Variants in SVOP observed in about 807,000 individuals in gnomAD.
SVOP encodes synaptic vesicle 2-related protein.
Under a neutral mutation model 69.1 loss-of-function variants are expected in SVOP, and 17 were observed. The ratio of observed to expected loss-of-function variants is 0.25; its 90% CI spans 0.17 to 0.37. The LOEUF (loss-of-function observed/expected upper bound fraction) is 0.37. Ranked by LOEUF, SVOP falls within the 10% of genes least tolerant of loss-of-function variation. The pLI is 1.00. For missense variants in SVOP, 435 were observed against 597.5 expected (o/e 0.73, Z 2.84); for synonymous variants, 238 against 238.6 (o/e 1.00, Z 0.02).
chr12:108,940,488 TCTCAAC>T (rs1231383634), intron 8 of SVOP, among the ~76,000 whole-genome samples: 1 of 152,126 alleles, frequency 6.6e-6, no homozygotes, highest in Non-Finnish European at 1.5e-5. Flanking sequence ...AACTTAAGAG[TCTCAAC>T]TAGTGCAATA....
rs2040101713 is a variant in SVOP, at chr12:108,975,544, AG to A, written c.381+1853del. 2.6e-5 allele frequency among the ~76,000 whole-genome samples: 4 copies of A among 152,370 alleles called. No individual in the cohort carries two copies. The South Asian group carries it at 8.3e-4, about 32-fold the overall frequency. On this transcript the variant is annotated intron_variant, in intron 4 of 15. Coordinates refer to ENST00000610966, the MANE Select transcript of SVOP (RefSeq NM_018711.5). ...TATCTGTAGAAGTGACAGTAATAAA[AG>A]CACCTCTTTCATAGGTTTGAGAAGG...
At chr12:108,923,632 A>G (rs371034806) in intron 11 of SVOP, among the ~76,000 whole-genome samples, 11 of 152,134 alleles carry the variant, frequency 7.2e-5, no homozygotes, top group African/African-American at 2.6e-4. Flanking sequence ...GTGCTGTCTC[A>G]GGCCACTAAG....
At chr12:108,928,142 G>T (rs917310668) in intron 11 of SVOP, among the ~76,000 whole-genome samples, 1 of 151,910 alleles carries the variant, frequency 6.6e-6, no homozygotes, top group African/African-American at 2.4e-5. Flanking sequence ...GACCTCAAGT[G>T]GTCCACCTGC....
rs562096734 is a variant in SVOP at position 109,018,203 on chromosome 12, T to C, written c.35+2631A>G. On this transcript the variant is annotated intron_variant, in intron 1 of 15. Transcript: ENST00000610966. ...TAGAAAGAACAGACCTAGAAAAGTC[T>C]GATTTGCACAAGGTCACACAAAAAG... 7.9e-5 allele frequency among the ~76,000 whole-genome samples: 12 copies of C among 152,326 alleles called. No individual in the cohort carries two copies. The South Asian group carries it at 2.1e-3, about 26-fold the overall frequency.
rs766893561 is a variant in SVOP at position 108,918,061 on chromosome 12, T to C, written c.1332A>G (p.Ala444=). ...RAFISGGFQA[A]YVYTPEVYPT... is the part of the protein sequence containing the mutation. ...CTCCTACCTCAGGTGTGTAAACATA[T>C]GCCGCTTGAAAGCCTCCAGAAATAA... is the stretch of plus-strand genomic sequence containing the variant. Residue 444 remains alanine (A), a synonymous_variant, in exon 14 of 16, where the codon GCA becomes GCG. Coordinates refer to ENST00000610966, the MANE Select transcript of SVOP (RefSeq NM_018711.5). 33 of 1,582,100 alleles carry C rather than the reference T, an allele frequency of 2.1e-5. No individual in the cohort carries two copies. In the Admixed American group the frequency reaches 3.3e-4, roughly 16 times the overall value.
At chr12:109,008,522 T>C (rs568819509) in intron 1 of SVOP, among the ~76,000 whole-genome samples, 1 of 152,308 alleles carries the variant, frequency 6.6e-6, no homozygotes, top group East Asian at 1.9e-4. Flanking sequence ...TCAACCTGAA[T>C]AGCAATGAGC....
chr12:108,940,890 G>C lies in SVOP; in HGVS notation c.662C>G (p.Thr221Arg). ...CACAGCCAGGACGACCTCGAACACT[G>C]TCCCGATGGCCCAGAATACCTGGCA... ...LLIEVFWAIG[T>R]VFEVVLAVFV... The change falls in exon 8 of 16, where the codon ACA becomes AGA. Residue 221 changes from threonine to arginine, a missense_variant. Coordinates refer to ENST00000610966, the MANE Select transcript of SVOP (RefSeq NM_018711.5). 2.0e-6 allele frequency: 3 copies of C among 1,536,956 alleles called. No individual in the cohort carries two copies. The highest frequency in any genetic ancestry group is 2.6e-6 in the Non-Finnish European group (3 of 1,146,748).
At chr12:108,967,852 C>A (rs1338150548) in intron 5 of SVOP, among the ~76,000 whole-genome samples, 2 of 152,126 alleles carry the variant, frequency 1.3e-5, no homozygotes, top group African/African-American at 4.8e-5. Flanking sequence ...TTGGAAGGTG[C>A]CAAAATATGG....
chr12:109,000,076 A>G (rs2135619972), intron 1 of SVOP, among the ~76,000 whole-genome samples: 1 of 152,232 alleles, frequency 6.6e-6, no homozygotes, highest in South Asian at 2.1e-4. Flanking sequence ...CAAGACTAAT[A>G]AAGAAAAAAA....
At chr12:108,991,004 C>T (rs2040197315) in intron 1 of SVOP, among the ~76,000 whole-genome samples, 1 of 152,172 alleles carries the variant, frequency 6.6e-6, no homozygotes, top group African/African-American at 2.4e-5. Context: ...GTCCCCCTGC[C>T]CTCAACCCCA....
intron 1 of SVOP, among the ~76,000 whole-genome samples, chr12:108,988,499 G>A (rs2137442398): frequency 6.6e-6 from 1 of 152,186 alleles, no homozygotes; most frequent in Non-Finnish European, 1.5e-5. Context: ...CCTACTGAGT[G>A]ATCTTGGCAC....
intron 4 of SVOP, among the ~76,000 whole-genome samples, chr12:108,972,933 G>A (rs1470217908): frequency 6.6e-6 from 1 of 152,248 alleles, no homozygotes; most frequent in East Asian, 1.9e-4. Flanking sequence ...CACTCATTGT[G>A]TGGGAGGCCA....
At chr12:108,932,189 A>G (rs568475778) in intron 11 of SVOP, among the ~76,000 whole-genome samples, 1 of 151,714 alleles carries the variant, frequency 6.6e-6, no homozygotes, top group African/African-American at 2.4e-5. Flanking sequence ...CTAATTTTTT[A>G]AATTTTTTGT....
intron 11 of SVOP, among the ~76,000 whole-genome samples, chr12:108,929,353 G>A (rs977857607): frequency 1.7e-4 from 26 of 151,846 alleles, no homozygotes; most frequent in Admixed American, 2.6e-4. Flanking sequence ...ACAGGGCCTC[G>A]CTCTGTTGCC....
At chr12:108,934,095 A>G (rs1024498989) in intron 11 of SVOP, 100 bp downstream of exon 11, 41 of 1,038,986 alleles carry the variant, frequency 3.9e-5, no homozygotes, top group Non-Finnish European at 5.5e-5. Flanking sequence ...TACAAGGCCA[A>G]TCCCTTAAGG....
chr12:108,938,671 A>G (rs923048371), intron 9 of SVOP, among the ~76,000 whole-genome samples, 156 bp downstream of exon 9: 2 of 152,176 alleles, frequency 1.3e-5, no homozygotes, highest in African/African-American at 2.4e-5. Flanking sequence ...GGTCCTGTCT[A>G]CTGGGCCCTC....
At chr12:108,919,288 C>G (rs1465525992) in intron 13 of SVOP, among the ~76,000 whole-genome samples, 1 of 151,500 alleles carries the variant, frequency 6.6e-6, no homozygotes. Context: ...CCCACCTGTA[C>G]CCACACTTGG....
Position 108,975,560 on chromosome 12 carries a change from G to A in SVOP, c.381+1838C>T, listed in dbSNP as rs2040101743. ...AGTAATAAAAGCACCTCTTTCATAG[G>A]TTTGAGAAGGTTAAAGAGGTAATGT... On this transcript the variant is annotated intron_variant, in intron 4 of 15. Coordinates refer to ENST00000610966, the MANE Select transcript of SVOP (RefSeq NM_018711.5). Among the ~76,000 whole-genome samples the A allele has an allele frequency of 4.6e-5, 7 of 152,266 alleles. 1 individual carries two copies. The South Asian group carries it at 1.5e-3, about 32-fold the overall frequency.
At chr12:108,979,646 G>A (rs1216306651) in intron 2 of SVOP, among the ~76,000 whole-genome samples, 2 of 152,134 alleles carry the variant, frequency 1.3e-5, no homozygotes, top group Non-Finnish European at 2.9e-5. Flanking sequence ...ATGTACCAGA[G>A]GAGCTGTCTT....
Sources: gnomAD v4.1 joint callset for allele counts (sites outside exome capture counted in the v4.1 genomes callset) on GRCh38, gnomAD v4.1.1 for gene constraint, MANE v1.5 for transcripts, NCBI Gene and HGNC (gene_info 2026-07-23, HGNC 2026-07-21) for gene names.